The following RPRD2 variants were observed in gnomAD, a reference collection of about 807,000 sequenced individuals.
RPRD2 encodes regulation of nuclear pre-mRNA domain containing 2, also known as regulation of nuclear pre-mRNA domain-containing protein 2.
A neutral mutation model predicts 104.4 loss-of-function variants in RPRD2; 12 were observed. The observed-to-expected ratio is 0.11, with a 90% confidence interval of 0.07 to 0.19. The LOEUF (loss-of-function observed/expected upper bound fraction) is 0.19, where lower values mean the gene tolerates loss of function less well. Ranked by LOEUF, RPRD2 falls within the 10% of genes least tolerant of loss-of-function variation. The pLI is 1.00. For synonymous variants in RPRD2, 714 were observed against 684.9 expected, an observed-to-expected ratio of 1.04 and a Z score of -0.66; for missense variants, 1,543 against 1,790.1, an observed-to-expected ratio of 0.86 and a Z score of 2.49.
chr1:150,377,072 G>A (rs1192752387), intron 1 of RPRD2, among the ~76,000 whole-genome samples: 1 of 151,490 alleles, frequency 6.6e-6, no homozygotes, highest in African/African-American at 2.4e-5. Context: ...TTAGCTGAGC[G>A]TGGTGGCATG....
At chr1:150,383,845 A>G (rs1256812638) in intron 1 of RPRD2, among the ~76,000 whole-genome samples, 2 of 152,314 alleles carry the variant, frequency 1.3e-5, no homozygotes, top group African/African-American at 2.4e-5. Context: ...TAGGCTTCTC[A>G]GATTGCCATA....
At chr1:150,374,777 G>C (rs1553879153) in intron 1 of RPRD2, among the ~76,000 whole-genome samples, 1 of 152,192 alleles carries the variant, frequency 6.6e-6, no homozygotes, top group East Asian at 1.9e-4. Flanking sequence ...GGGCATTCTA[G>C]TATTTTAGAT....
intron 1 of RPRD2, among the ~76,000 whole-genome samples, chr1:150,387,606 T>A: frequency 9.5e-6 from 1 of 104,890 alleles, no homozygotes; most frequent in Admixed American, 1.1e-4. Context: ...TTTTTTTTTT[T>A]TTGAGACGGA....
chr1:150,468,548 A>G (rs1668423427), intron 10 of RPRD2, among the ~76,000 whole-genome samples: 1 of 151,948 alleles, frequency 6.6e-6, no homozygotes, highest in African/African-American at 2.4e-5. Context: ...CTAGTGTTTG[A>G]GGACTTCTGG....
At chr1:150,401,461 C>G (rs1553885350) in intron 1 of RPRD2, among the ~76,000 whole-genome samples, 1 of 151,892 alleles carries the variant, frequency 6.6e-6, no homozygotes, top group African/African-American at 2.4e-5. Context: ...GCACTCCAGC[C>G]TGGGCAACAG....
At chr1:150,430,936 A>G (rs1392597217) in intron 2 of RPRD2, among the ~76,000 whole-genome samples, 1 of 152,182 alleles carries the variant, frequency 6.6e-6, no homozygotes, top group African/African-American at 2.4e-5. Flanking sequence ...TCAAAAAAAA[A>G]AAGATAACAC....
At chr1:150,447,707 G>T (rs1339551345) in intron 7 of RPRD2, among the ~76,000 whole-genome samples, 1 of 152,174 alleles carries the variant, frequency 6.6e-6, no homozygotes, top group Non-Finnish European at 1.5e-5. Context: ...ACCTCTGAAA[G>T]AAACTAACTG....
chr1:150,446,464 C>A, intron 7 of RPRD2, 63 bp downstream of exon 7: 1 of 1,319,494 alleles, frequency 7.6e-7, no homozygotes, highest in Non-Finnish European at 1.0e-6. Flanking sequence ...AGATTGTTAA[C>A]ATGCATTATC....
chr1:150,372,680 A>G (rs2102090059), intron 1 of RPRD2, among the ~76,000 whole-genome samples: 1 of 152,322 alleles, frequency 6.6e-6, no homozygotes, highest in East Asian at 1.9e-4. Context: ...GGAAGGCCTC[A>G]CTGAGAAGGT....
intron 1 of RPRD2, among the ~76,000 whole-genome samples, chr1:150,400,514 C>A (rs1553885112): frequency 6.6e-6 from 1 of 152,136 alleles, no homozygotes; most frequent in African/African-American, 2.4e-5. Flanking sequence ...ACATCCCTGG[C>A]ATGCGCAGTT....
At chr1:150,443,949 C>T (rs1572488374) in intron 5 of RPRD2, among the ~76,000 whole-genome samples, 1 of 152,060 alleles carries the variant, frequency 6.6e-6, no homozygotes, top group East Asian at 1.9e-4. Context: ...ACCCGGGAGG[C>T]GGAGCTTGCA....
intron 6 of RPRD2, among the ~76,000 whole-genome samples, 199 bp downstream of exon 6, chr1:150,444,576 T>C (rs1490755368): frequency 3.3e-5 from 5 of 152,228 alleles, no homozygotes; most frequent in African/African-American, 1.2e-4. Flanking sequence ...ACTTTCTTGG[T>C]GTACTAGGTT....
At chr1:150,368,231 G>T in intron 1 of RPRD2, among the ~76,000 whole-genome samples, 3 of 141,232 alleles carry the variant, frequency 2.1e-5, no homozygotes, top group African/African-American at 2.6e-5. Context: ...TTTTAATACG[G>T]AGTCTTAATA....
At chr1:150,414,442 A>T (rs1371539319) in intron 1 of RPRD2, among the ~76,000 whole-genome samples, 1 of 152,148 alleles carries the variant, frequency 6.6e-6, no homozygotes, top group East Asian at 1.9e-4. Flanking sequence ...TGAAATCTTA[A>T]AACACTATGC....
chr1:150,472,499 A>G lies in RPRD2; in HGVS notation c.3551A>G (p.Asn1184Ser), dbSNP rs1409829725. The G allele has an allele frequency of 1.2e-6, 2 of 1,613,944 alleles. No homozygotes were observed. Among genetic ancestry groups the G allele is most frequent in the Admixed American group, 1.7e-5 (1 of 60,024 alleles). ...FQESVGSFRS[N>S]SFNSTFEHHL... The stretch of plus-strand genomic sequence containing the variant: ...GAGAGTGTCGGCAGCTTTCGTTCCA[A>G]CAGTTTCAACTCAACATTTGAGCAT... The change falls in exon 11 of 11, where the codon AAC (asparagine) becomes AGC (serine). Residue 1184 changes from asparagine to serine, a missense_variant. Transcript: ENST00000369068.
chr1:150,364,498 AG>A lies in RPRD2; in HGVS notation c.-216del, dbSNP rs1659671479. 6.6e-6 allele frequency among the ~76,000 whole-genome samples: 1 copy of A among 151,258 alleles called. No individual in the cohort carries two copies. Among genetic ancestry groups the A allele is most frequent in the East Asian group, 1.9e-4 (1 of 5,158 alleles). On this transcript the variant is annotated 5_prime_UTR_variant, in exon 1 of 11. Coordinates refer to ENST00000369068, the MANE Select transcript of RPRD2 (RefSeq NM_015203.5). Reference sequence around the variant, plus strand: ...TATTGATAAAACCTCCGAGACCCGCAGCCCCTCCTTGCAGCGTGTAGGAGCT... The same window carrying A: ...TATTGATAAAACCTCCGAGACCCGCACCCCTCCTTGCAGCGTGTAGGAGCT...
intron 2 of RPRD2, among the ~76,000 whole-genome samples, chr1:150,426,125 G>A (rs782806571): frequency 3.9e-5 from 6 of 152,062 alleles, no homozygotes; most frequent in Non-Finnish European, 7.4e-5. Flanking sequence ...ACAAAAAAAG[G>A]GATGCCACTT....
At chr1:150,417,910 T>C (rs937324761) in intron 2 of RPRD2, among the ~76,000 whole-genome samples, 185 bp downstream of exon 2, 116 of 150,704 alleles carry the variant, frequency 7.7e-4, no homozygotes, top group African/African-American at 2.5e-3. Flanking sequence ...TCTTTTCTTT[T>C]TCTCTCTCTC....
rs747880601 is a variant in RPRD2, at chr1:150,470,705, T to C, written c.1757T>C (p.Ile586Thr). ...RNLPSSAQPF[I>T]PKSFNYSPNS... Reference sequence around the variant, plus strand: ...CTGCCCTCCAGTGCCCAACCTTTTATTCCCAAAAGCTTCAACTATTCTCCT... The same window carrying C: ...CTGCCCTCCAGTGCCCAACCTTTTACTCCCAAAAGCTTCAACTATTCTCCT... The change falls in exon 11 of 11, where the codon ATT becomes ACT. Residue 586 changes from isoleucine to threonine, a missense_variant. Ile to Thr is a moderately conservative substitution (Grantham distance 89, BLOSUM62 -1). Transcript: ENST00000369068. 6.2e-7 allele frequency: 1 copy of C among 1,614,022 alleles called. No individual in the cohort carries two copies. Among genetic ancestry groups the C allele is most frequent in the South Asian group, 1.1e-5 (1 of 91,088 alleles).
Sources: allele counts gnomAD v4.1 joint callset (sites outside exome capture counted in the v4.1 genomes callset), GRCh38; gene constraint gnomAD v4.1.1; transcripts MANE v1.5; gene names NCBI Gene and HGNC (gene_info 2026-07-23, HGNC 2026-07-21).